The following MVP variants were observed in gnomAD, a reference collection of about 807,000 sequenced individuals.
MVP encodes the protein major vault protein, also known as lung resistance-related protein.
Under a neutral mutation model 83.5 loss-of-function variants are expected in MVP, and 62 were observed. That is an observed-to-expected ratio of 0.74 (90% confidence interval 0.61 to 0.92). MVP has a LOEUF of 0.92. MVP is among the 40% of genes least tolerant of loss of function. MVP has a pLI of 0.00. For missense variants in MVP, 1,000 were observed against 1,203.4 expected, an observed-to-expected ratio of 0.83 and a Z score of 2.50; for synonymous variants, 505 against 504.1, an observed-to-expected ratio of 1.00 and a Z score of -0.02.
intron 5 of MVP, 108 bp downstream of exon 5, chr16:29,834,174 T>G: frequency 6.9e-7 from 1 of 1,457,086 alleles, no homozygotes; most frequent in Non-Finnish European, 9.2e-7. Flanking sequence ...AGAGGCGCTT[T>G]CCTGGTATCT....
chr16:29,830,788 G>A, intron 2 of MVP, 90 bp from the exon 3 acceptor site: 2 of 1,569,380 alleles, frequency 1.3e-6, no homozygotes, highest in South Asian at 2.4e-5. Flanking sequence ...CCTCGCTTGG[G>A]CGATAGAGAG....
Position 29,841,779 on chromosome 16 carries a change from A to G in MVP, c.1375A>G (p.Ser459Gly). ...LAPRNKTRVV[S>G]YRVPHNAAVQ... is the part of the protein sequence containing the mutation. ...GCCCCGGAACAAGACCCGTGTGGTC[A>G]GCTACCGCGTGCCCCACAACGCTGC... The change falls in exon 9 of 15, where the codon AGC becomes GGC. Residue 459 changes from serine (S) to glycine (G), a missense_variant. Transcript: ENST00000357402. The surrounding 1 kb of genome is among the most constrained non-coding windows in gnomAD (Gnocchi z 4.7). 6.2e-7 allele frequency: 1 copy of G among 1,613,578 alleles called. No homozygotes were observed. The highest frequency in any genetic ancestry group is 8.5e-7 in the Non-Finnish European group (1 of 1,180,004).
chr16:29,840,130 A>C, intron 7 of MVP, 48 bp from the exon 8 acceptor site: 1 of 1,541,188 alleles, frequency 6.5e-7, no homozygotes, highest in Non-Finnish European at 8.8e-7. Flanking sequence ...CATTGGAAGC[A>C]CCCGCAACCC....
chr16:29,845,906 G>C lies in MVP; in HGVS notation c.2065G>C (p.Glu689Gln), dbSNP rs2067580717. Reference sequence around the variant, plus strand: ...GGAGCAGGAAGCCCGCGGCCGGCTTGAGCGGCAGAAGATCCTGGACCAGTC... The same window carrying C: ...GGAGCAGGAAGCCCGCGGCCGGCTTCAGCGGCAGAAGATCCTGGACCAGTC... ...RLEQEARGRL[E>Q]RQKILDQSEA... is the part of the protein sequence containing the mutation. Residue 689 changes from glutamate to glutamine, a missense_variant, in exon 12 of 15, where the codon GAG becomes CAG. Physicochemically the swap from Glu to Gln is conservative, Grantham distance 29 (BLOSUM62 2). Coordinates refer to ENST00000357402, the MANE Select transcript of MVP (RefSeq NM_005115.5). The C allele has an allele frequency of 1.2e-6, 2 of 1,614,150 alleles. No individual in the cohort carries two copies. Among genetic ancestry groups the C allele is most frequent in the Non-Finnish European group, 1.7e-6 (2 of 1,180,012 alleles).
intron 13 of MVP, among the ~76,000 whole-genome samples, chr16:29,846,674 A>G (rs1020532873): frequency 2.6e-5 from 4 of 152,186 alleles, no homozygotes; most frequent in African/African-American, 9.7e-5. Flanking sequence ...CTTGGCCAAC[A>G]TGGTGAAACC....
intron 1 of MVP, chr16:29,825,900 A>G (rs994641216): frequency 1.3e-5 from 2 of 152,404 alleles, no homozygotes; most frequent in South Asian, 2.1e-4. Context: ...CTCCGCTCAC[A>G]GCCCCAGCCC....
rs556554950 is a variant in MVP at position 29,845,912 on chromosome 16, C to A, written c.2071C>A (p.Gln691Lys). The change falls in exon 12 of 15, where the codon CAG (glutamine) becomes AAG (lysine). Residue 691 changes from glutamine to lysine, a missense_variant. Physicochemically the swap from Gln to Lys is moderately conservative, Grantham distance 53. Coordinates refer to ENST00000357402, the MANE Select transcript of MVP (RefSeq NM_005115.5). ...GGAAGCCCGCGGCCGGCTTGAGCGG[C>A]AGAAGATCCTGGACCAGTCAGAAGC... ...EQEARGRLER[Q>K]KILDQSEAEK... 9.9e-6 allele frequency: 16 copies of A among 1,614,180 alleles called. No homozygotes were observed. In the South Asian group the frequency reaches 1.6e-4, roughly 17 times the overall value.
At chr16:29,829,547 C>T (rs1447285255) in intron 1 of MVP, 2 of 143,976 alleles carry the variant, frequency 1.4e-5, no homozygotes, top group Non-Finnish European at 3.2e-5. Context: ...TTGTGTGACT[C>T]AAAGGGACAT....
rs2067583318 is a variant in MVP, at chr16:29,846,141, C to T, written c.2139-17C>T. ...GGGCTGTCTCCCGGGTCTTACCTGA[C>T]TCTGCCTTCTCCCCAGCATGGCCGT... On this transcript the variant is annotated splice_polypyrimidine_tract_variant and intron_variant, in intron 12 of 14. Transcript: ENST00000357402. 6.2e-7 allele frequency: 1 copy of T among 1,605,930 alleles called. No homozygotes were observed. Among genetic ancestry groups the T allele is most frequent in the Non-Finnish European group, 8.5e-7 (1 of 1,175,198 alleles).
At chr16:29,845,711 G>A (rs980214493) in intron 11 of MVP, 152 bp from the exon 12 acceptor site, 13 of 622,986 alleles carry the variant, frequency 2.1e-5, no homozygotes, top group South Asian at 1.6e-4. Context: ...CTTGTGGCGC[G>A]TATACCATTC....
chr16:29,844,650 A>G lies in MVP; in HGVS notation c.1792A>G (p.Ile598Val), dbSNP rs1423176785. The change falls in exon 11 of 15, where the codon ATC (isoleucine) becomes GTC (valine). Residue 598 changes from isoleucine (I) to valine (V), a missense_variant. Transcript: ENST00000357402. ...FDDFHKNSAR[I>V]IRTAVFGFET... is the part of the protein sequence containing the mutation. ...TGACTTCCATAAGAACTCAGCCCGC[A>G]TCATTCGCACTGCTGTCTTTGGCTT... 8.1e-6 allele frequency: 13 copies of G among 1,614,180 alleles called. No individual in the cohort carries two copies. The highest frequency in any genetic ancestry group is 6.7e-5 in the Admixed American group (4 of 60,026).
At chr16:29,844,338 C>T (rs1411862948) in intron 10 of MVP, among the ~76,000 whole-genome samples, 155 bp from the exon 11 acceptor site, 1 of 152,124 alleles carries the variant, frequency 6.6e-6, no homozygotes, top group African/African-American at 2.4e-5. Context: ...CGTGATCACA[C>T]ATGTAGTCCC....
intron 6 of MVP, 26 bp from the exon 7 acceptor site, chr16:29,836,696 C>A: frequency 6.5e-7 from 1 of 1,527,014 alleles, no homozygotes; most frequent in South Asian, 1.3e-5. Context: ...GCAGGTCACT[C>A]AAATACCCAA....
At chr16:29,844,260 G>C (rs1035325459) in intron 10 of MVP, among the ~76,000 whole-genome samples, 3 of 152,130 alleles carry the variant, frequency 2.0e-5, no homozygotes, top group African/African-American at 7.2e-5. Context: ...ATTCTCTATT[G>C]CGAGAGACCC....
chr16:29,830,777 C>T (rs1438638067), intron 2 of MVP, 101 bp from the exon 3 acceptor site: 6 of 1,572,074 alleles, frequency 3.8e-6, no homozygotes, highest in Non-Finnish European at 5.2e-6. Flanking sequence ...GCAGGAGTGG[C>T]CCTCGCTTGG....
chr16:29,847,088 G>A (rs1317116918), intron 13 of MVP, 109 bp from the exon 14 acceptor site: 7 of 1,227,682 alleles, frequency 5.7e-6, no homozygotes, highest in Non-Finnish European at 8.0e-6. Context: ...TACCCAGGAG[G>A]CTGAGGCAGG....
intron 10 of MVP, among the ~76,000 whole-genome samples, chr16:29,844,011 C>T (rs1313070340): frequency 6.6e-6 from 1 of 152,220 alleles, no homozygotes; most frequent in African/African-American, 2.4e-5. Flanking sequence ...CCGACATATT[C>T]CCAGGCACTA....
chr16:29,823,803 C>G (rs927062390), intron 1 of MVP, among the ~76,000 whole-genome samples: 17 of 150,046 alleles, frequency 1.1e-4, no homozygotes, highest in African/African-American at 3.2e-4. Context: ...GATCGTGCCA[C>G]TGCACTCCAG....
chr16:29,842,383 G>A (rs1425031402), intron 10 of MVP, among the ~76,000 whole-genome samples: 2 of 152,000 alleles, frequency 1.3e-5, no homozygotes, highest in Non-Finnish European at 2.9e-5. Flanking sequence ...TTGGCTCACT[G>A]CAACCCCCAC....
Sources: gnomAD v4.1 joint callset for allele counts (sites outside exome capture counted in the v4.1 genomes callset) on GRCh38, gnomAD v4.1.1 for gene constraint, Gnocchi (gnomAD v3.1) non-coding constraint, MANE v1.5 for transcripts, NCBI Gene and HGNC (gene_info 2026-07-23, HGNC 2026-07-21) for gene names.